POMK: variants seen among roughly 807,000 people sequenced by gnomAD.
POMK encodes protein O-mannose kinase.
Under a neutral mutation model 23.0 loss-of-function variants are expected in POMK, and 19 were observed. The ratio of observed to expected loss-of-function variants is 0.83; its 90% CI spans 0.58 to 1.21. POMK has a LOEUF of 1.21. POMK is among the 50% of genes most tolerant of loss of function. The pLI, the probability that POMK is intolerant of heterozygous loss-of-function variation, is 0.00. For missense variants in POMK, 410 were observed against 431.3 expected (o/e 0.95, Z 0.44); for synonymous variants, 173 against 171.6 (o/e 1.01, Z -0.06).
chr8:43,104,655 A>T (rs552043102), intron 4 of POMK, among the ~76,000 whole-genome samples: 19 of 152,324 alleles, frequency 1.2e-4, no homozygotes, highest in Non-Finnish European at 2.5e-4. Context: ...GTAGATAAAT[A>T]CAAAAATGGT....
At chr8:43,100,317 G>A (rs1394092204) in intron 2 of POMK, among the ~76,000 whole-genome samples, 1 of 152,060 alleles carries the variant, frequency 6.6e-6, no homozygotes, top group Non-Finnish European at 1.5e-5. Context: ...CAGCAGAGCG[G>A]GTGAGGGACC....
At chr8:43,104,532 G>T (rs1811509382) in intron 4 of POMK, among the ~76,000 whole-genome samples, 2 of 152,198 alleles carry the variant, frequency 1.3e-5, no homozygotes, top group Non-Finnish European at 2.9e-5. Flanking sequence ...TGCAACTGTT[G>T]TGTAGTTAGG....
At chr8:43,107,112 AG>A (rs1811559370) in intron 4 of POMK, among the ~76,000 whole-genome samples, 1 of 152,160 alleles carries the variant, frequency 6.6e-6, no homozygotes. Context: ...AATGAGTTTT[AG>A]GATAAGGAGT....
chr8:43,112,204 A>G lies in POMK; in HGVS notation c.282+8374A>G, dbSNP rs528403586. ...GACGAATGGCTAACTAGAATAACCAATGCAGAGAAGTCCTTAAAGGACCTG... is the reference window on the plus strand; with the variant it reads ...GACGAATGGCTAACTAGAATAACCAGTGCAGAGAAGTCCTTAAAGGACCTG... On this transcript the variant is annotated intron_variant, in intron 4 of 4. Coordinates refer to ENST00000331373, the MANE Select transcript of POMK (RefSeq NM_032237.5). Among the ~76,000 whole-genome samples the G allele has an allele frequency of 3.9e-5, 6 of 152,334 alleles. No homozygotes were observed. In the South Asian group the frequency reaches 1.0e-3, roughly 26 times the overall value.
intron 4 of POMK, 146 bp from the exon 5 acceptor site, chr8:43,121,961 C>A: frequency 2.6e-6 from 2 of 777,472 alleles, no homozygotes; most frequent in Non-Finnish European, 4.2e-6. Flanking sequence ...CATAACTAGA[C>A]GGAGAGCAAC....
chr8:43,111,989 A>G (rs1308737940), intron 4 of POMK, among the ~76,000 whole-genome samples: 1 of 152,260 alleles, frequency 6.6e-6, no homozygotes, highest in African/African-American at 2.4e-5. Context: ...GAAAAACTGG[A>G]AACTCTAAAA....
At chr8:43,117,843 C>A (rs541483387) in intron 4 of POMK, among the ~76,000 whole-genome samples, 3 of 152,298 alleles carry the variant, frequency 2.0e-5, no homozygotes, top group East Asian at 3.9e-4. Flanking sequence ...CATGCTAGCA[C>A]AGACTTTGGA....
intron 4 of POMK, among the ~76,000 whole-genome samples, chr8:43,107,117 A>G (rs1811559413): frequency 1.3e-5 from 2 of 152,146 alleles, no homozygotes; most frequent in Admixed American, 6.5e-5. Flanking sequence ...GTTTTAGGAT[A>G]AGGAGTGCAA....
At chr8:43,110,852 G>A (rs1811639992) in intron 4 of POMK, among the ~76,000 whole-genome samples, 1 of 152,066 alleles carries the variant, frequency 6.6e-6, no homozygotes, top group African/African-American at 2.4e-5. Context: ...GCCGGGAGGC[G>A]GAGGTTGCAG....
At position 43,103,701 on chromosome 8, in the gene POMK, C is replaced by A; in HGVS notation, c.153C>A (p.Asp51Glu). The change falls in exon 4 of 5, where the codon GAC (aspartate) becomes GAA (glutamate). Residue 51 changes from aspartate to glutamate, a missense_variant. Transcript: ENST00000331373. ...TCGCTCCTCGACAATCCACTGTGGA[C>A]CCCACACACTGTCCCTATGGTCACT... Reference protein sequence around the residue: ...FFIAPRQSTVDPTHCPYGHFR... With the variant: ...FFIAPRQSTVEPTHCPYGHFR... 1 of 1,614,164 alleles carries A rather than the reference C, an allele frequency of 6.2e-7. No homozygotes were observed.
At chr8:43,112,169 A>G (rs760899853) in intron 4 of POMK, among the ~76,000 whole-genome samples, 1 of 152,276 alleles carries the variant, frequency 6.6e-6, no homozygotes, top group East Asian at 1.9e-4. Context: ...AAAACTTCGA[A>G]AAAAAATTAG....
rs1366525225 is a variant in POMK at position 43,097,521 on chromosome 8, A to C, written c.-209-3A>C. The C allele has an allele frequency of 2.0e-5, 3 of 147,440 alleles. No individual in the cohort carries two copies. Among genetic ancestry groups the C allele is most frequent in the African/African-American group, 8.1e-5 (3 of 36,962 alleles). 9.1% of individuals were successfully genotyped at this position (147,440 alleles called of 1,614,324 possible). ...TTTTTCTCTGTGTGTGAAACACTTA[A>C]AGAAAAAGGATCCTGTTTGCTGTGT... On this transcript the variant is annotated splice_polypyrimidine_tract_variant and splice_region_variant and intron_variant, in intron 1 of 4. Coordinates refer to ENST00000331373, the MANE Select transcript of POMK (RefSeq NM_032237.5).
At chr8:43,115,394 A>G (rs1354560860) in intron 4 of POMK, among the ~76,000 whole-genome samples, 1 of 152,174 alleles carries the variant, frequency 6.6e-6, no homozygotes, top group Non-Finnish European at 1.5e-5. Flanking sequence ...TCTCAAACTC[A>G]CCACGTCACA....
At chr8:43,111,221 C>G (rs954018063) in intron 4 of POMK, among the ~76,000 whole-genome samples, 8 of 152,180 alleles carry the variant, frequency 5.3e-5, no homozygotes, top group African/African-American at 1.9e-4. Context: ...TCACTCCCAC[C>G]CTAATACTGC....
chr8:43,116,762 A>G (rs1168356989), intron 4 of POMK, among the ~76,000 whole-genome samples: 1 of 152,260 alleles, frequency 6.6e-6, no homozygotes, highest in African/African-American at 2.4e-5. Flanking sequence ...ACTGTACTTT[A>G]TATAAGTATT....
chr8:43,114,542 G>T (rs1275560745), intron 4 of POMK, among the ~76,000 whole-genome samples: 2 of 152,210 alleles, frequency 1.3e-5, no homozygotes, highest in African/African-American at 2.4e-5. Flanking sequence ...GAAAGGGAAT[G>T]CCCTGACCCC....
intron 4 of POMK, among the ~76,000 whole-genome samples, chr8:43,105,195 A>G (rs1421042560): frequency 6.6e-6 from 1 of 152,182 alleles, no homozygotes; most frequent in Non-Finnish European, 1.5e-5. Context: ...GGAACATTCA[A>G]TATCTTCTCT....
chr8:43,098,219 T>C (rs1811372903), intron 2 of POMK, among the ~76,000 whole-genome samples: 1 of 152,230 alleles, frequency 6.6e-6, no homozygotes, highest in Non-Finnish European at 1.5e-5. Flanking sequence ...TCATCATCAC[T>C]GTCTAATTCA....
chr8:43,103,430 C>T, intron 3 of POMK, 98 bp from the exon 4 acceptor site: 1 of 1,150,520 alleles, frequency 8.7e-7, no homozygotes, highest in South Asian at 1.4e-5. Context: ...CTGCAGCTTA[C>T]AGGACCCTTG....
Sources: gnomAD v4.1 joint callset for allele counts (sites outside exome capture counted in the v4.1 genomes callset) on GRCh38, gnomAD v4.1.1 for gene constraint, MANE v1.5 for transcripts, NCBI Gene and HGNC (gene_info 2026-07-23, HGNC 2026-07-21) for gene names.